The following FAM186A variants were observed in gnomAD, a reference collection of about 807,000 sequenced individuals.
The protein encoded by FAM186A is family with sequence similarity 186 member A, also known as protein FAM186A.
In FAM186A, 163 loss-of-function variants were observed where a neutral mutation model predicts 216.8. The ratio of observed to expected loss-of-function variants is 0.75; its 90% confidence interval spans 0.66 to 0.86. The LOEUF is 0.86. Ranked by LOEUF, FAM186A falls within the 40% of genes least tolerant of loss-of-function variation. FAM186A has a pLI of 0.00. For missense variants in FAM186A, 2,184 were observed against 2,746.2 expected, an observed-to-expected ratio of 0.80 and a Z score of 4.58; for synonymous variants, 805 against 1,025.3, an observed-to-expected ratio of 0.79 and a Z score of 4.10.
chr12:50,332,785 T>C (rs549270568), intron 5 of FAM186A, among the ~76,000 whole-genome samples: 1 of 152,316 alleles, frequency 6.6e-6, no homozygotes, highest in African/African-American at 2.4e-5. Context: ...CCCAGCACTT[T>C]GGGAGGCTGC....
chr12:50,383,915 C>T (rs1041888984), intron 1 of FAM186A, among the ~76,000 whole-genome samples: 2 of 151,932 alleles, frequency 1.3e-5, no homozygotes, highest in Non-Finnish European at 2.9e-5. Flanking sequence ...GCCAGGAAAT[C>T]GAGACCATCC....
intron 1 of FAM186A, among the ~76,000 whole-genome samples, chr12:50,366,641 A>C (rs949422098): frequency 7.4e-6 from 1 of 135,812 alleles, no homozygotes; most frequent in African/African-American, 2.6e-5. Flanking sequence ...AAAAAAAAAA[A>C]AAAAAAACGT....
At chr12:50,341,035 G>T (rs1229539988) in intron 4 of FAM186A, among the ~76,000 whole-genome samples, 1 of 152,102 alleles carries the variant, frequency 6.6e-6, no homozygotes, top group African/African-American at 2.4e-5. Context: ...GACCTCAGGT[G>T]ATCTGCCTGC....
At chr12:50,377,834 C>CA (rs58718750) in intron 1 of FAM186A, among the ~76,000 whole-genome samples, 132,543 of 139,930 alleles carry the variant, frequency 0.95, 62,953 homozygotes, top group Non-Finnish European at 0.99. Flanking sequence ...AACTCCACCT[C>CA]AAAAAAAAAA....
At chr12:50,348,052 T>TA (rs1276576714) in intron 4 of FAM186A, among the ~76,000 whole-genome samples, 2 of 145,132 alleles carry the variant, frequency 1.4e-5, no homozygotes, top group African/African-American at 5.1e-5. Context: ...TTTTTTTTTT[T>TA]TTTTTTTTTT....
At chr12:50,385,198 T>C (rs1943290614) in intron 1 of FAM186A, among the ~76,000 whole-genome samples, 1 of 149,584 alleles carries the variant, frequency 6.7e-6, no homozygotes. Context: ...GGTGGGTGGA[T>C]CATGAGGTCA....
intron 1 of FAM186A, among the ~76,000 whole-genome samples, chr12:50,381,978 T>C (rs1189924963): frequency 6.6e-6 from 1 of 151,186 alleles, no homozygotes. Context: ...GCACCAAATA[T>C]GAGGCAAACA....
chr12:50,365,038 CA>C (rs61497355), intron 1 of FAM186A, among the ~76,000 whole-genome samples: 13 of 110,800 alleles, frequency 1.2e-4, no homozygotes, highest in African/African-American at 3.5e-4. Flanking sequence ...AACTCCGTCT[CA>C]AAAAAAAAAA....
Position 50,354,701 on chromosome 12 carries a change from A to C in FAM186A, c.2131T>G (p.Leu711Val). ...ELLKRAEAEKLGIIKAKMEEY... is the reference protein window; with the variant it reads ...ELLKRAEAEKVGIIKAKMEEY... ...TCCATTTTTGCCTTTATGATTCCTA[A>C]TTTTTCAGCTTCTGCTCTTTTTAAT... is the stretch of plus-strand genomic sequence containing the variant. Residue 711 changes from leucine (L) to valine (V), a missense_variant, in exon 4 of 8, where the codon TTA (leucine) becomes GTA (valine). Physicochemically the swap from Leu to Val is conservative, Grantham distance 32 (BLOSUM62 1). Coordinates refer to ENST00000327337, the MANE Select transcript of FAM186A (RefSeq NM_001145475.3). 1 of 1,548,878 alleles carries C rather than the reference A, an allele frequency of 6.5e-7. No individual in the cohort carries two copies. The highest frequency in any genetic ancestry group is 8.7e-7 in the Non-Finnish European group (1 of 1,146,550).
chr12:50,378,539 A>C (rs1185940984), intron 1 of FAM186A, among the ~76,000 whole-genome samples: 1 of 119,306 alleles, frequency 8.4e-6, no homozygotes, highest in African/African-American at 2.8e-5. Flanking sequence ...CAAAATATAT[A>C]TATACATATA....
At chr12:50,336,005 G>T (rs1002088731) in intron 4 of FAM186A, among the ~76,000 whole-genome samples, 1 of 151,084 alleles carries the variant, frequency 6.6e-6, no homozygotes, top group Non-Finnish European at 1.5e-5. Flanking sequence ...GGCGCCTATA[G>T]TCCCAGCTAC....
chr12:50,392,855 C>T (rs1330856516), intron 1 of FAM186A, among the ~76,000 whole-genome samples: 1 of 150,292 alleles, frequency 6.7e-6, no homozygotes, highest in East Asian at 2.0e-4. Flanking sequence ...TCATGATCCG[C>T]CCGCCCCAGC....
intron 1 of FAM186A, among the ~76,000 whole-genome samples, chr12:50,395,070 A>G (rs1039205498): frequency 5.3e-5 from 8 of 151,388 alleles, no homozygotes; most frequent in Non-Finnish European, 1.0e-4. Context: ...CCCTTAATCA[A>G]TTTCATCAAA....
rs143725047 is a variant in FAM186A, at chr12:50,387,268, G to A, written c.192+9025C>T. Among the ~76,000 whole-genome samples, 314 of 152,300 alleles carry A rather than the reference G, an allele frequency of 2.1e-3. 1 individual carries two copies. The highest frequency in any genetic ancestry group is 6.6e-3 in the African/African-American group (275 of 41,568). On this transcript the variant is annotated intron_variant, in intron 1 of 7. Coordinates refer to ENST00000327337, the MANE Select transcript of FAM186A (RefSeq NM_001145475.3). ...TTCCTAAGACTCCCTCTTTTGGTTG[G>A]ATTAATTTGCTGGGGCAGCTCACAG...
At chr12:50,384,878 T>A (rs1055477045) in intron 1 of FAM186A, among the ~76,000 whole-genome samples, 5 of 152,054 alleles carry the variant, frequency 3.3e-5, no homozygotes, top group Non-Finnish European at 5.9e-5. Context: ...CGATCTTGGC[T>A]CACTGCAACC....
chr12:50,383,255 A>AG (rs1943269785), intron 1 of FAM186A, among the ~76,000 whole-genome samples: 1 of 40,350 alleles, frequency 2.5e-5, no homozygotes, highest in Non-Finnish European at 8.2e-5. Flanking sequence ...CGTCTAAAAA[A>AG]AAAAAAAAAA....
rs7312252 is a variant in FAM186A, at chr12:50,350,388, T to G, written c.6444A>C (p.Thr2148=). Residue 2148 remains threonine, a synonymous_variant, in exon 4 of 8, where the codon ACA becomes ACC. Coordinates refer to ENST00000327337, the MANE Select transcript of FAM186A (RefSeq NM_001145475.3). Reference sequence around the variant, plus strand: ...TGCGGAATAAGTATCCCAACTGAACTGTGTCCATATGAAGTATCTCAATTA... The same window carrying G: ...TGCGGAATAAGTATCCCAACTGAACGGTGTCCATATGAAGTATCTCAATTA... ...TLIIEILHMD[T]VQLGYLFRKY... 2 of 1,550,508 alleles carry G rather than the reference T, an allele frequency of 1.3e-6. No individual in the cohort carries two copies. The highest frequency in any genetic ancestry group is 3.9e-5 in the Admixed American group (2 of 50,758).
At chr12:50,365,595 G>A (rs1218906984) in intron 1 of FAM186A, 12 of 528,980 alleles carry the variant, frequency 2.3e-5, no homozygotes, top group Non-Finnish European at 3.4e-5. Flanking sequence ...ATAAGAGTAA[G>A]ATAAGTGTGT....
intron 1 of FAM186A, among the ~76,000 whole-genome samples, chr12:50,383,403 T>C (rs979731971): frequency 6.6e-6 from 1 of 151,744 alleles, no homozygotes; most frequent in African/African-American, 2.4e-5. Flanking sequence ...GAGACCAGCC[T>C]GGCCAACATG....
Sources: gnomAD v4.1 joint callset for allele counts (sites outside exome capture counted in the v4.1 genomes callset) on GRCh38, gnomAD v4.1.1 for gene constraint, MANE v1.5 for transcripts, NCBI Gene and HGNC (gene_info 2026-07-23, HGNC 2026-07-21) for gene names.